The following B3GAT2 variants were observed in gnomAD, a reference collection of about 807,000 sequenced individuals.
B3GAT2 encodes the protein beta-1,3-glucuronyltransferase 2, also known as galactosylgalactosylxylosylprotein 3-beta-glucuronosyltransferase 2.
Under a neutral mutation model 27.8 loss-of-function variants are expected in B3GAT2, and 26 were observed. That is an observed-to-expected ratio of 0.93 (90% CI 0.68 to 1.30). B3GAT2 has a LOEUF of 1.30. B3GAT2 is among the 50% of genes most tolerant of loss of function. The pLI, the probability that B3GAT2 is intolerant of heterozygous loss-of-function variation, is 0.00. For synonymous variants in B3GAT2, 218 were observed against 195.1 expected (o/e 1.12, Z -0.98); for missense variants, 458 against 459.0 (o/e 1.00, Z 0.02).
intron 1 of B3GAT2, among the ~76,000 whole-genome samples, chr6:70,916,162 G>T (rs1271359039): frequency 6.6e-6 from 1 of 151,840 alleles, no homozygotes; most frequent in East Asian, 1.9e-4. Flanking sequence ...CTTTGAGGCA[G>T]TTGGGAATGG....
At chr6:70,892,801 G>A (rs986702238) in intron 2 of B3GAT2, among the ~76,000 whole-genome samples, 1 of 152,218 alleles carries the variant, frequency 6.6e-6, no homozygotes, top group Non-Finnish European at 1.5e-5. Context: ...TATGCCCCAT[G>A]TTTTCAGGGC....
In B3GAT2 at chr6:70,956,642, TGCA is replaced by T. The variant is rs994657933; in HGVS notation, c.-216_-214del. ...TCGCGCAAGCTAGAGCGACAAGGGGTGCAGGCGGGCGGGCAGGGGCTGCCCCCG... is the reference window on the plus strand; with the variant it reads ...TCGCGCAAGCTAGAGCGACAAGGGGTGGCGGGCGGGCAGGGGCTGCCCCCG... On this transcript the variant is annotated 5_prime_UTR_variant, in exon 1 of 4. Coordinates refer to ENST00000230053, the MANE Select transcript of B3GAT2 (RefSeq NM_080742.3). 3.3e-5 allele frequency: 46 copies of T among 1,399,196 alleles called. No homozygotes were observed. The highest frequency in any genetic ancestry group is 3.0e-4 in the African/African-American group (20 of 66,864). 86.7% of individuals were successfully genotyped at this position (1,399,196 alleles called of 1,614,324 possible). A position where few individuals can be genotyped will look rare whatever the true frequency, so the allele number is the denominator to read the frequency against.
intron 1 of B3GAT2, among the ~76,000 whole-genome samples, chr6:70,945,033 T>A (rs561662501): frequency 5.4e-4 from 82 of 151,238 alleles, no homozygotes; most frequent in South Asian, 1.5e-3. Flanking sequence ...GAAGGAAAAC[T>A]AACAAACAGA....
intron 1 of B3GAT2, among the ~76,000 whole-genome samples, chr6:70,949,274 C>T (rs1338333462): frequency 6.6e-6 from 1 of 151,974 alleles, no homozygotes; most frequent in Non-Finnish European, 1.5e-5. Flanking sequence ...AGGCAACCTA[C>T]AAAATGGGAG....
intron 2 of B3GAT2, 116 bp downstream of exon 2, chr6:70,894,012 G>T: frequency 1.8e-6 from 2 of 1,131,842 alleles, no homozygotes; most frequent in Non-Finnish European, 2.4e-6. Context: ...AATATGATAT[G>T]ATGTAGGGTT....
rs1765369871 is a variant in B3GAT2, at chr6:70,940,348, G to C, written c.591+15491C>G. ...CCAGCAAGGGGCTCAGTGTCCCCAGGCAAGGCTGGGAGAAGGGTGGACACA... is the reference window on the plus strand; with the variant it reads ...CCAGCAAGGGGCTCAGTGTCCCCAGCCAAGGCTGGGAGAAGGGTGGACACA... On this transcript the variant is annotated intron_variant, in intron 1 of 3. Coordinates refer to ENST00000230053, the MANE Select transcript of B3GAT2 (RefSeq NM_080742.3). 2.0e-5 allele frequency among the ~76,000 whole-genome samples: 3 copies of C among 152,126 alleles called. No homozygotes were observed. In the South Asian group the frequency reaches 6.2e-4, roughly 32 times the overall value.
At chr6:70,890,973 C>G (rs1772278723) in intron 2 of B3GAT2, among the ~76,000 whole-genome samples, 1 of 152,236 alleles carries the variant, frequency 6.6e-6, no homozygotes, top group South Asian at 2.1e-4. Flanking sequence ...ATCTACACCT[C>G]CTGGTGAGGG....
intron 2 of B3GAT2, among the ~76,000 whole-genome samples, chr6:70,877,983 C>G (rs1772040863): frequency 6.6e-6 from 1 of 152,194 alleles, no homozygotes; most frequent in East Asian, 1.9e-4. Flanking sequence ...GTCAACAGAT[C>G]TAACTCCACT....
At chr6:70,903,430 G>A (rs1360761514) in intron 1 of B3GAT2, among the ~76,000 whole-genome samples, 1 of 152,032 alleles carries the variant, frequency 6.6e-6, no homozygotes, top group Non-Finnish European at 1.5e-5. Flanking sequence ...AAAGTAATCT[G>A]TAGACTGGGA....
chr6:70,910,401 A>G (rs141775513), intron 1 of B3GAT2, among the ~76,000 whole-genome samples: 8 of 152,198 alleles, frequency 5.3e-5, no homozygotes, highest in African/African-American at 1.9e-4. Context: ...TTTAGCTTCC[A>G]CTTATAAGTT....
chr6:70,932,271 T>C (rs775235173), intron 1 of B3GAT2, among the ~76,000 whole-genome samples: 1 of 152,186 alleles, frequency 6.6e-6, no homozygotes, highest in East Asian at 1.9e-4. Context: ...AGAAGTACCA[T>C]TGTGTCTAGC....
chr6:70,946,567 C>G (rs534591072), intron 1 of B3GAT2, among the ~76,000 whole-genome samples: 1 of 152,084 alleles, frequency 6.6e-6, no homozygotes, highest in East Asian at 1.9e-4. Context: ...ACAGGAGCAC[C>G]CAGATTCATA....
Position 70,889,740 on chromosome 6 carries a change from C to T in B3GAT2, c.736+4388G>A, listed in dbSNP as rs139582086. On this transcript the variant is annotated intron_variant, in intron 2 of 3. Transcript: ENST00000230053. Reference sequence around the variant, plus strand: ...CCAGCCAAGACAGAACCTCCCCAAGCCTTTCCCAGATCAAATCTCTCCCCC... The same window carrying T: ...CCAGCCAAGACAGAACCTCCCCAAGTCTTTCCCAGATCAAATCTCTCCCCC... 2.0e-4 allele frequency among the ~76,000 whole-genome samples: 30 copies of T among 152,144 alleles called. No individual in the cohort carries two copies. The East Asian group carries it at 4.6e-3, about 24-fold the overall frequency.
intron 1 of B3GAT2, among the ~76,000 whole-genome samples, chr6:70,938,998 C>T (rs1765342731): frequency 6.6e-6 from 1 of 151,972 alleles, no homozygotes; most frequent in Admixed American, 6.6e-5. Flanking sequence ...GCAACCTACT[C>T]ATCTGACAAA....
chr6:70,913,926 T>C (rs1425389621), intron 1 of B3GAT2, among the ~76,000 whole-genome samples: 1 of 152,230 alleles, frequency 6.6e-6, no homozygotes, highest in Admixed American at 6.5e-5. Flanking sequence ...TCTTGTTGAA[T>C]TGAACCCTTT....
rs1439059716 is a variant in B3GAT2, at chr6:70,857,847, T to G, written c.*3816A>C. ...GCTGTGAGTAGTTCAGAAAGGCAATTTTTCTGTGATTATAGAGATGAGTGC... is the reference window on the plus strand; with the variant it reads ...GCTGTGAGTAGTTCAGAAAGGCAATGTTTCTGTGATTATAGAGATGAGTGC... On this transcript the variant is annotated 3_prime_UTR_variant, in exon 4 of 4. Transcript: ENST00000230053. 2 of 1,524,858 alleles carry G rather than the reference T, an allele frequency of 1.3e-6. No homozygotes were observed. Among genetic ancestry groups the G allele is most frequent in the African/African-American group, 1.4e-5 (1 of 72,670 alleles). The allele number at this position is 1,524,858 out of a possible 1,614,324, so 94.5% of individuals were successfully genotyped here. A position where few individuals can be genotyped will look rare whatever the true frequency, so the allele number is the denominator to read the frequency against.
intron 1 of B3GAT2, among the ~76,000 whole-genome samples, chr6:70,902,080 T>G (rs1189884872): frequency 3.3e-5 from 5 of 152,194 alleles, no homozygotes; most frequent in African/African-American, 1.2e-4. Context: ...AGGTCATATG[T>G]ATTTGTGAAT....
intron 1 of B3GAT2, among the ~76,000 whole-genome samples, chr6:70,939,632 T>C (rs1252931353): frequency 3.3e-5 from 5 of 150,774 alleles, no homozygotes; most frequent in Non-Finnish European, 7.4e-5. Flanking sequence ...TCATTCTCAG[T>C]AAACTATTGC....
chr6:70,861,557 C>T lies in B3GAT2; in HGVS notation c.*106G>A. The T allele has an allele frequency of 1.0e-6, 1 of 1,001,078 alleles. No homozygotes were observed. Among genetic ancestry groups the T allele is most frequent in the Non-Finnish European group, 1.5e-6 (1 of 661,090 alleles). 62.0% of individuals were successfully genotyped at this position (1,001,078 alleles called of 1,614,324 possible). ...TCAGATGACAAGAAAGGCTGCTGTA[C>T]TGAAGTAAAACAAACAATACCTGAA... On this transcript the variant is annotated 3_prime_UTR_variant, in exon 4 of 4. Coordinates refer to ENST00000230053, the MANE Select transcript of B3GAT2 (RefSeq NM_080742.3).
Sources: gnomAD v4.1 joint callset for allele counts (sites outside exome capture counted in the v4.1 genomes callset) on GRCh38, gnomAD v4.1.1 for gene constraint, MANE v1.5 for transcripts, NCBI Gene and HGNC (gene_info 2026-07-23, HGNC 2026-07-21) for gene names.